The following CRACD variants were observed in gnomAD, a reference collection of about 807,000 sequenced individuals.
CRACD encodes capping protein inhibiting regulator of actin dynamics, also known as capping protein-inhibiting regulator of actin dynamics.
A neutral mutation model predicts 106.8 loss-of-function variants in CRACD; 56 were observed. That is an observed-to-expected ratio of 0.52 (90% CI 0.42 to 0.66). CRACD has a LOEUF of 0.66. CRACD is among the 30% of genes least tolerant of loss of function. The pLI is 0.00. For missense variants in CRACD, 1,730 were observed against 1,623.2 expected (o/e 1.07, Z -1.13); for synonymous variants, 754 against 670.8 (o/e 1.12, Z -1.92).
chr4:56,084,681 C>T (rs1233590084), intron 1 of CRACD, among the ~76,000 whole-genome samples: 1 of 152,130 alleles, frequency 6.6e-6, no homozygotes, highest in African/African-American at 2.4e-5. Flanking sequence ...GATAAATTAT[C>T]ACTGCCCTTT....
intron 2 of CRACD, among the ~76,000 whole-genome samples, chr4:56,243,308 A>G (rs1477306895): frequency 2.0e-5 from 3 of 152,202 alleles, no homozygotes; most frequent in African/African-American, 4.8e-5. Flanking sequence ...GCGTTAGGAG[A>G]TAGTGATCAA....
chr4:56,150,845 T>C (rs1735553636), intron 1 of CRACD, among the ~76,000 whole-genome samples: 1 of 152,212 alleles, frequency 6.6e-6, no homozygotes, highest in Non-Finnish European at 1.5e-5. Context: ...AACATCCTGG[T>C]GCTGATATTC....
intron 2 of CRACD, among the ~76,000 whole-genome samples, chr4:56,216,935 G>A (rs1343047164): frequency 6.9e-5 from 10 of 145,232 alleles, no homozygotes; most frequent in Non-Finnish European, 1.2e-4. Context: ...AGCCGAGATT[G>A]CGCCACTGCA....
At chr4:56,158,631 C>G (rs754964714) in intron 1 of CRACD, among the ~76,000 whole-genome samples, 4 of 152,152 alleles carry the variant, frequency 2.6e-5, no homozygotes, top group Non-Finnish European at 5.9e-5. Context: ...AATGCCTTAC[C>G]TTTATGGCTG....
At chr4:56,059,155 C>T (rs147570954) in intron 1 of CRACD, among the ~76,000 whole-genome samples, 1 of 152,216 alleles carries the variant, frequency 6.6e-6, no homozygotes, top group African/African-American at 2.4e-5. Flanking sequence ...TGAAGATTTC[C>T]AGCAAGGCTT....
chr4:56,244,862 CTGTT>C (rs1740594509), intron 2 of CRACD, among the ~76,000 whole-genome samples: 1 of 152,244 alleles, frequency 6.6e-6, no homozygotes, highest in African/African-American at 2.4e-5. Flanking sequence ...TGTGCTTAGT[CTGTT>C]TCACAATCTT....
At chr4:56,254,453 C>T (rs1000670129) in intron 2 of CRACD, among the ~76,000 whole-genome samples, 1 of 151,116 alleles carries the variant, frequency 6.6e-6, no homozygotes, top group South Asian at 2.1e-4. Context: ...ATTCACAGAT[C>T]GGCACAAAGG....
chr4:56,228,949 C>T (rs994992366), intron 2 of CRACD, among the ~76,000 whole-genome samples: 1 of 152,058 alleles, frequency 6.6e-6, no homozygotes, highest in African/African-American at 2.4e-5. Context: ...ATTTGACAAA[C>T]GACAAGTACA....
chr4:56,313,603 G>A (rs1560533000), intron 7 of CRACD, among the ~76,000 whole-genome samples: 1 of 152,180 alleles, frequency 6.6e-6, no homozygotes, highest in Non-Finnish European at 1.5e-5. Flanking sequence ...GCCTTTTGAG[G>A]GGCTCCAGAC....
intron 1 of CRACD, among the ~76,000 whole-genome samples, chr4:56,125,679 A>G (rs1734633842): frequency 6.6e-6 from 1 of 151,642 alleles, no homozygotes; most frequent in African/African-American, 2.4e-5. Context: ...GGCCTCCCAA[A>G]GTGTTGGGAT....
intron 1 of CRACD, among the ~76,000 whole-genome samples, chr4:56,161,947 A>G (rs1388534732): frequency 2.7e-5 from 4 of 149,304 alleles, no homozygotes; most frequent in Non-Finnish European, 5.9e-5. Flanking sequence ...TATTTTTAGT[A>G]GAAATGGGGT....
intron 1 of CRACD, among the ~76,000 whole-genome samples, chr4:56,085,984 A>G (rs1008143704): frequency 6.6e-6 from 1 of 152,184 alleles, no homozygotes; most frequent in East Asian, 1.9e-4. Flanking sequence ...CTATTCTTCA[A>G]TTCTCCCTGC....
chr4:56,307,517 T>C lies in CRACD; in HGVS notation c.121-18T>C. 6.2e-7 allele frequency: 1 copy of C among 1,613,568 alleles called. No individual in the cohort carries two copies. The highest frequency in any genetic ancestry group is 2.2e-5 in the East Asian group (1 of 44,866). On this transcript the variant is annotated intron_variant, in intron 4 of 10. Coordinates refer to ENST00000682029, the MANE Select transcript of CRACD (RefSeq NM_001393381.1). ...CTGCTTCACTGCTTCAGAATGTCTTTCTTCTGTTTCTCTCCAGCAACAGTT... is the reference window on the plus strand; with the variant it reads ...CTGCTTCACTGCTTCAGAATGTCTTCCTTCTGTTTCTCTCCAGCAACAGTT...
chr4:56,207,745 C>CATAT (rs58423475), intron 2 of CRACD, among the ~76,000 whole-genome samples: 6,459 of 105,568 alleles, frequency 0.061, 223 homozygotes, highest in African/African-American at 0.078. Context: ...CTTGTTTTCT[C>CATAT]ATATATATAT....
At chr4:56,111,700 A>G (rs979405831) in intron 1 of CRACD, among the ~76,000 whole-genome samples, 4 of 151,488 alleles carry the variant, frequency 2.6e-5, no homozygotes, top group African/African-American at 9.7e-5. Flanking sequence ...TTGTATTTTT[A>G]TTAGAGATAG....
chr4:56,309,249 A>G (rs1049449487), intron 5 of CRACD: 4 of 269,882 alleles, frequency 1.5e-5, no homozygotes, highest in Non-Finnish European at 3.0e-5. Flanking sequence ...TATTTGGAAG[A>G]TAATAGGAAG....
intron 2 of CRACD, among the ~76,000 whole-genome samples, chr4:56,256,140 T>A (rs1309765901): frequency 6.6e-6 from 1 of 152,226 alleles, no homozygotes; most frequent in Non-Finnish European, 1.5e-5. Context: ...AAATCTCATC[T>A]TGAATTGTAG....
At chr4:56,108,397 G>T (rs1401164755) in intron 1 of CRACD, among the ~76,000 whole-genome samples, 1 of 152,132 alleles carries the variant, frequency 6.6e-6, no homozygotes, top group Non-Finnish European at 1.5e-5. Context: ...TTCAAATTGG[G>T]AGAATATAAA....
intron 1 of CRACD, among the ~76,000 whole-genome samples, chr4:56,074,230 A>G (rs1238288594): frequency 1.3e-5 from 2 of 152,170 alleles, no homozygotes; most frequent in Non-Finnish European, 2.9e-5. Context: ...AAGAAAGTCA[A>G]TGGTAGCTTG....
Sources: allele counts gnomAD v4.1 joint callset (sites outside exome capture counted in the v4.1 genomes callset), GRCh38; gene constraint gnomAD v4.1.1; transcripts MANE v1.5; gene names NCBI Gene and HGNC (gene_info 2026-07-23, HGNC 2026-07-21).